The following RMDN2 variants were observed in gnomAD, a reference collection of about 807,000 sequenced individuals.
RMDN2 encodes regulator of microtubule dynamics 2.
Under a neutral mutation model 52.8 loss-of-function variants are expected in RMDN2, and 61 were observed. The ratio of observed to expected loss-of-function variants is 1.16; its 90% CI spans 0.94 to 1.43. The LOEUF (loss-of-function observed/expected upper bound fraction) is 1.43. RMDN2 is among the 40% of genes most tolerant of loss of function. The pLI is 0.00. For synonymous variants in RMDN2, 180 were observed against 153.1 expected (o/e 1.18, Z -1.30); for missense variants, 592 against 475.3 (o/e 1.25, Z -2.28).
intron 5 of RMDN2, among the ~76,000 whole-genome samples, chr2:37,983,737 A>G (rs1423157587): frequency 2.0e-5 from 3 of 152,226 alleles, no homozygotes; most frequent in African/African-American, 7.2e-5. Context: ...ATTAATTATA[A>G]TAAAATGTTC....
At chr2:37,957,426 G>C (rs890631278) in intron 2 of RMDN2, among the ~76,000 whole-genome samples, 7 of 151,694 alleles carry the variant, frequency 4.6e-5, no homozygotes, top group Admixed American at 4.6e-4. Flanking sequence ...GCTTTTTTTC[G>C]TATGTTTGTT....
At chr2:38,049,994 A>T (rs1356564406) in intron 10 of RMDN2, among the ~76,000 whole-genome samples, 4 of 152,228 alleles carry the variant, frequency 2.6e-5, no homozygotes, top group Non-Finnish European at 5.9e-5. Flanking sequence ...AGCTAATAGC[A>T]TGTGTTATTA....
intron 10 of RMDN2, among the ~76,000 whole-genome samples, chr2:38,016,637 C>T (rs1369458430): frequency 6.6e-6 from 1 of 152,120 alleles, no homozygotes; most frequent in African/African-American, 2.4e-5. Context: ...AGCCTTCAAC[C>T]TCAGCCCTAA....
chr2:38,049,031 G>T (rs1022771519), intron 10 of RMDN2, among the ~76,000 whole-genome samples: 1 of 152,206 alleles, frequency 6.6e-6, no homozygotes, highest in Non-Finnish European at 1.5e-5. Context: ...TTAGGAGCCT[G>T]CTTGTTGACA....
intron 2 of RMDN2, among the ~76,000 whole-genome samples, chr2:37,949,487 C>T (rs1366631204): frequency 6.6e-6 from 1 of 152,138 alleles, no homozygotes; most frequent in Non-Finnish European, 1.5e-5. Flanking sequence ...TGCTGCTTTG[C>T]TATGCTGTAA....
At position 37,978,113 on chromosome 2, in the gene RMDN2, G is replaced by A. The variant is rs1416163219; in HGVS notation, c.730+2799G>A. 2.6e-5 allele frequency among the ~76,000 whole-genome samples: 4 copies of A among 152,330 alleles called. No individual in the cohort carries two copies. In the East Asian group the frequency reaches 7.7e-4, roughly 29 times the overall value. ...GCTGGCAGATCACTCGCGATCAGGA[G>A]CTAGAGACCAGCCCGGCCAACACGG... is the stretch of plus-strand genomic sequence containing the variant. On this transcript the variant is annotated intron_variant, in intron 4 of 10. Transcript: ENST00000354545.
chr2:38,033,644 G>C (rs1246538283), intron 10 of RMDN2, among the ~76,000 whole-genome samples: 1 of 152,196 alleles, frequency 6.6e-6, no homozygotes, highest in African/African-American at 2.4e-5. Context: ...ATCTGATCTT[G>C]CTTCTGTGTT....
intron 10 of RMDN2, among the ~76,000 whole-genome samples, chr2:38,040,293 A>G (rs1680876066): frequency 6.6e-6 from 1 of 152,062 alleles, no homozygotes; most frequent in African/African-American, 2.4e-5. Context: ...AGTTTTTGCT[A>G]TGGTCTGCAT....
intron 10 of RMDN2, among the ~76,000 whole-genome samples, chr2:38,053,183 A>AT (rs1681698920): frequency 6.6e-6 from 1 of 152,164 alleles, no homozygotes; most frequent in South Asian, 2.1e-4. Flanking sequence ...CAATAACATG[A>AT]TTTTCTTACT....
intron 10 of RMDN2, among the ~76,000 whole-genome samples, chr2:38,010,966 C>T (rs1284801764): frequency 6.6e-6 from 1 of 152,194 alleles, no homozygotes; most frequent in Admixed American, 6.5e-5. Flanking sequence ...AGGCCCCTAC[C>T]AGTTAAAACA....
At chr2:37,950,654 C>G (rs751791505) in intron 2 of RMDN2, 1 of 1,561,478 alleles carries the variant, frequency 6.4e-7, no homozygotes, top group Non-Finnish European at 8.8e-7. Context: ...TATTCATAAA[C>G]GAAGCTTTAG....
At chr2:37,931,224 C>T (rs1666713864) in intron 2 of RMDN2, among the ~76,000 whole-genome samples, 1 of 152,082 alleles carries the variant, frequency 6.6e-6, no homozygotes, top group Admixed American at 6.6e-5. Context: ...AGTTCATTTA[C>T]AAATGTAGGA....
intron 10 of RMDN2, among the ~76,000 whole-genome samples, chr2:38,063,315 T>C (rs1315151983): frequency 1.3e-5 from 2 of 152,204 alleles, no homozygotes; most frequent in Non-Finnish European, 2.9e-5. Flanking sequence ...CCATTCTAAC[T>C]GGTGTGAGAT....
At chr2:37,927,287 A>T (rs1483706947) in intron 1 of RMDN2, among the ~76,000 whole-genome samples, 3 of 152,238 alleles carry the variant, frequency 2.0e-5, no homozygotes, top group Non-Finnish European at 2.9e-5. Context: ...AGAGTTAGGA[A>T]CAGGTTGTCA....
At chr2:38,016,636 C>G (rs964225096) in intron 10 of RMDN2, among the ~76,000 whole-genome samples, 1 of 152,150 alleles carries the variant, frequency 6.6e-6, no homozygotes, top group Non-Finnish European at 1.5e-5. Flanking sequence ...CAGCCTTCAA[C>G]CTCAGCCCTA....
At chr2:37,933,527 C>T (rs560271983) in intron 2 of RMDN2, among the ~76,000 whole-genome samples, 27 of 152,368 alleles carry the variant, frequency 1.8e-4, no homozygotes, top group African/African-American at 5.8e-4. Flanking sequence ...CCCGGCACCT[C>T]GGGAGGCCGA....
At chr2:37,951,292 A>G (rs754537289) in intron 2 of RMDN2, 1 of 1,611,892 alleles carries the variant, frequency 6.2e-7, no homozygotes, top group South Asian at 1.1e-5. Context: ...GTTAGTACAG[A>G]CGCCCAGCAT....
At chr2:38,054,288 C>T (rs982190710) in intron 10 of RMDN2, among the ~76,000 whole-genome samples, 1 of 152,046 alleles carries the variant, frequency 6.6e-6, no homozygotes, top group African/African-American at 2.4e-5. Context: ...CTGATGAACA[C>T]AAAAAAGATG....
chr2:37,963,904 G>A (rs1428085168), intron 2 of RMDN2, among the ~76,000 whole-genome samples: 6 of 148,694 alleles, frequency 4.0e-5, no homozygotes, highest in African/African-American at 7.4e-5. Flanking sequence ...GGGCAGAGGC[G>A]CCCCCCCACC....
Sources: allele counts gnomAD v4.1 joint callset (sites outside exome capture counted in the v4.1 genomes callset), GRCh38; gene constraint gnomAD v4.1.1; transcripts MANE v1.5; gene names NCBI Gene and HGNC (gene_info 2026-07-23, HGNC 2026-07-21).